NUDT3: variants seen among roughly 807,000 people sequenced by gnomAD.
NUDT3 encodes the protein diphosphoinositol polyphosphate phosphohydrolase 1.
A neutral mutation model predicts 23.6 loss-of-function variants in NUDT3; 9 were observed. That is an observed-to-expected ratio of 0.38 (90% CI 0.23 to 0.66). NUDT3 has a LOEUF of 0.66. Ranked by LOEUF, NUDT3 falls within the 30% of genes least tolerant of loss-of-function variation. The pLI is 0.52. For synonymous variants in NUDT3, 86 were observed against 82.6 expected (o/e 1.04, Z -0.22); for missense variants, 172 against 218.5 (o/e 0.79, Z 1.34).
In NUDT3 at chr6:34,306,981, T is replaced by A. The variant is rs190314584; in HGVS notation, c.211-11296A>T. ...GAGATAAATTATACACAGAAATGAG[T>A]GTATTTACAACAATGTGGCCTATGC... On this transcript the variant is annotated intron_variant, in intron 2 of 4. Coordinates refer to ENST00000607016, the MANE Select transcript of NUDT3 (RefSeq NM_006703.4). Among the ~76,000 whole-genome samples, 518 of 152,258 alleles carry A rather than the reference T, an allele frequency of 3.4e-3. 5 individuals are homozygous for A. The highest frequency in any genetic ancestry group is 7.6e-3 in the Admixed American group (116 of 15,296).
chr6:34,382,774 T>C (rs1326134415), intron 1 of NUDT3, among the ~76,000 whole-genome samples: 1 of 151,414 alleles, frequency 6.6e-6, no homozygotes. Flanking sequence ...AAGGCTGCAG[T>C]TAGCCATGAC....
chr6:34,363,290 T>C (rs1192898809), intron 1 of NUDT3, among the ~76,000 whole-genome samples: 1 of 152,250 alleles, frequency 6.6e-6, no homozygotes, highest in African/African-American at 2.4e-5. Flanking sequence ...TCATGAAGGA[T>C]AAAAGATTAC....
chr6:34,357,136 C>A (rs543439404), intron 1 of NUDT3, among the ~76,000 whole-genome samples: 2 of 151,978 alleles, frequency 1.3e-5, no homozygotes, highest in Admixed American at 1.3e-4. Flanking sequence ...TGAAAAATTA[C>A]AGATAAAATC....
intron 2 of NUDT3, among the ~76,000 whole-genome samples, chr6:34,337,220 T>A (rs993458788): frequency 6.6e-6 from 1 of 152,230 alleles, no homozygotes; most frequent in African/African-American, 2.4e-5. Flanking sequence ...ATATGAGATA[T>A]GATGATATGA....
chr6:34,302,482 C>T lies in NUDT3; in HGVS notation c.211-6797G>A, dbSNP rs139793354. On this transcript the variant is annotated intron_variant, in intron 2 of 4. Coordinates refer to ENST00000607016, the MANE Select transcript of NUDT3 (RefSeq NM_006703.4). ...GTGCGGTGGCTCATGCCTGTAATCC[C>T]AGCACTTTGGGAGGCCGAGGTGGGC... is the stretch of plus-strand genomic sequence containing the variant. Among the ~76,000 whole-genome samples the T allele has an allele frequency of 1.2e-3, 176 of 152,284 alleles. 2 individuals carry two copies. The East Asian group carries it at 0.025, about 22-fold the overall frequency.
At chr6:34,344,803 CACCACG>C (rs1764339336) in intron 1 of NUDT3, among the ~76,000 whole-genome samples, 1 of 149,112 alleles carries the variant, frequency 6.7e-6, no homozygotes, top group Non-Finnish European at 1.5e-5. Context: ...AGGCACCTGT[CACCACG>C]CCCAGTTAAT....
At position 34,351,654 on chromosome 6, in the gene NUDT3, T is replaced by C. The variant is rs142540898; in HGVS notation, c.100-9682A>G. On this transcript the variant is annotated intron_variant, in intron 1 of 4. Coordinates refer to ENST00000607016, the MANE Select transcript of NUDT3 (RefSeq NM_006703.4). ...CTATCGGGAGACTGAAGGAGGAGAA[T>C]TGCTTGGACCCAGGAGGTGGAGGTT... Among the ~76,000 whole-genome samples the C allele has an allele frequency of 6.9e-4, 100 of 145,934 alleles. 2 individuals carry two copies. The highest frequency in any genetic ancestry group is 2.3e-3 in the African/African-American group (89 of 38,380).
At chr6:34,323,384 T>C (rs978627093) in intron 2 of NUDT3, among the ~76,000 whole-genome samples, 6 of 152,000 alleles carry the variant, frequency 3.9e-5, no homozygotes, top group Non-Finnish European at 7.4e-5. Flanking sequence ...CTGGGAAACA[T>C]GGTGAAACTC....
chr6:34,363,417 AC>A (rs1764678925), intron 1 of NUDT3, among the ~76,000 whole-genome samples: 1 of 152,218 alleles, frequency 6.6e-6, no homozygotes, highest in Non-Finnish European at 1.5e-5. Flanking sequence ...TAAAGGGCAG[AC>A]TTAACTGCTC....
intron 1 of NUDT3, among the ~76,000 whole-genome samples, chr6:34,343,691 C>T (rs78435130): frequency 0.095 from 14,438 of 151,912 alleles, 794 homozygotes; most frequent in Non-Finnish European, 0.12. Flanking sequence ...GCAAGATATG[C>T]CAAATTCTTA....
chr6:34,325,446 A>G (rs192549603), intron 2 of NUDT3, among the ~76,000 whole-genome samples: 185 of 152,296 alleles, frequency 1.2e-3, no homozygotes, highest in African/African-American at 4.2e-3. Flanking sequence ...CCTGGGCTCA[A>G]GTGATCCTCC....
At chr6:34,361,450 T>C (rs1044589402) in intron 1 of NUDT3, among the ~76,000 whole-genome samples, 5 of 152,110 alleles carry the variant, frequency 3.3e-5, no homozygotes, top group Admixed American at 6.6e-5. Context: ...TACAGCAACT[T>C]TGGAAAACAG....
At chr6:34,333,912 G>C (rs1764166608) in intron 2 of NUDT3, among the ~76,000 whole-genome samples, 1 of 152,240 alleles carries the variant, frequency 6.6e-6, no homozygotes. Flanking sequence ...GCTGAATACA[G>C]AGTCAACAGA....
At chr6:34,299,671 T>G (rs1430561170) in intron 2 of NUDT3, among the ~76,000 whole-genome samples, 1 of 150,812 alleles carries the variant, frequency 6.6e-6, no homozygotes, top group Non-Finnish European at 1.5e-5. Context: ...TTTGGGAGAC[T>G]GAGGCAGGTG....
chr6:34,300,005 T>C (rs1377363231), intron 2 of NUDT3, among the ~76,000 whole-genome samples: 1 of 152,044 alleles, frequency 6.6e-6, no homozygotes, highest in Non-Finnish European at 1.5e-5. Context: ...CACCTTGGTC[T>C]CCCAAACTGC....
chr6:34,321,065 T>C (rs537662106), intron 2 of NUDT3, among the ~76,000 whole-genome samples: 3 of 152,182 alleles, frequency 2.0e-5, no homozygotes, highest in East Asian at 3.9e-4. Flanking sequence ...TTATGTCAGA[T>C]GTGTGGGGTC....
intron 1 of NUDT3, among the ~76,000 whole-genome samples, chr6:34,345,608 A>T (rs1764355406): frequency 6.7e-6 from 1 of 148,708 alleles, no homozygotes; most frequent in Non-Finnish European, 1.5e-5. Context: ...GCTGGCAGTG[A>T]ACCGAGATTG....
chr6:34,349,917 C>T (rs774042740), intron 1 of NUDT3, among the ~76,000 whole-genome samples: 35 of 150,134 alleles, frequency 2.3e-4, no homozygotes, highest in Admixed American at 1.5e-3. Flanking sequence ...GGTGAAACCC[C>T]GTCTCTACTA....
At chr6:34,328,765 T>A (rs538088289) in intron 2 of NUDT3, among the ~76,000 whole-genome samples, 6 of 152,348 alleles carry the variant, frequency 3.9e-5, no homozygotes, top group African/African-American at 1.4e-4. Flanking sequence ...TTCCTCATAA[T>A]TCCCCAAACT....
Sources: allele counts gnomAD v4.1 joint callset (sites outside exome capture counted in the v4.1 genomes callset), GRCh38; gene constraint gnomAD v4.1.1; transcripts MANE v1.5; gene names NCBI Gene and HGNC (gene_info 2026-07-23, HGNC 2026-07-21).